The following PPP2R2C variants were observed in gnomAD, a reference collection of about 807,000 sequenced individuals.
PPP2R2C encodes the protein protein phosphatase 2 regulatory subunit Bgamma, also known as protein phosphatase 2, regulatory subunit B, gamma.
In PPP2R2C, 10 loss-of-function variants were observed where a neutral mutation model predicts 45.3. That is an observed-to-expected ratio of 0.22 (90% confidence interval 0.14 to 0.37). The LOEUF (loss-of-function observed/expected upper bound fraction) is 0.37. Among genes scored for constraint, PPP2R2C ranks in the 10% least tolerant of loss-of-function variants. PPP2R2C has a pLI of 1.00. For synonymous variants in PPP2R2C, 257 were observed against 245.4 expected (o/e 1.05, Z -0.44); for missense variants, 308 against 619.7 (o/e 0.50, Z 5.34).
chr4:6,383,896 C>T, intron 1 of PPP2R2C: 2 of 987,920 alleles, frequency 2.0e-6, no homozygotes, highest in Non-Finnish European at 2.4e-6. Context: ...CTGCCCTGGC[C>T]TTCTGAGCCA....
At chr4:6,473,484 G>A (rs1010067974), upstream of PPP2R2C, among the ~76,000 whole-genome samples, 1 of 152,190 alleles carries the variant, frequency 6.6e-6, no homozygotes, top group African/African-American at 2.4e-5. Flanking sequence ...GGGATTCAGA[G>A]GTGTGGGTGA....
intron 1 of PPP2R2C, among the ~76,000 whole-genome samples, chr4:6,557,279 GACA>G (rs892236596): frequency 5.3e-5 from 8 of 151,976 alleles, no homozygotes; most frequent in East Asian, 1.9e-4. Flanking sequence ...GATGCATTAG[GACA>G]ACAACATCTA....
intron 1 of PPP2R2C, among the ~76,000 whole-genome samples, chr4:6,403,722 G>C (rs1478099830): frequency 6.6e-6 from 1 of 152,182 alleles, no homozygotes. Context: ...AGTTAGCTGG[G>C]CGTGGTGGTG....
intron 1 of PPP2R2C, among the ~76,000 whole-genome samples, chr4:6,421,349 G>A (rs1323113771): frequency 2.0e-5 from 3 of 152,158 alleles, no homozygotes; most frequent in Non-Finnish European, 4.4e-5. Flanking sequence ...GGATTCCCAG[G>A]CTGCCATTTT....
intron 1 of PPP2R2C, among the ~76,000 whole-genome samples, chr4:6,440,643 G>C (rs1720109564): frequency 1.3e-5 from 2 of 152,226 alleles, no homozygotes; most frequent in African/African-American, 4.8e-5. Flanking sequence ...TGTCTGTGGT[G>C]CTTACTTCTG....
chr4:6,557,503 AC>A (rs1725442033), intron 1 of PPP2R2C, among the ~76,000 whole-genome samples: 1 of 152,194 alleles, frequency 6.6e-6, no homozygotes, highest in African/African-American at 2.4e-5. Context: ...TGGAGAGAGG[AC>A]ATGGAAGCTG....
At chr4:6,468,216 T>C (rs1211859346) in intron 1 of PPP2R2C, among the ~76,000 whole-genome samples, 4 of 152,160 alleles carry the variant, frequency 2.6e-5, no homozygotes, top group Non-Finnish European at 2.9e-5. Context: ...AGAAAGTAGA[T>C]GGTATCCAGG....
intron 2 of PPP2R2C, among the ~76,000 whole-genome samples, chr4:6,490,833 T>C (rs1722680859): frequency 6.6e-6 from 1 of 152,112 alleles, no homozygotes; most frequent in Admixed American, 6.5e-5. Context: ...TCAAGCAGGA[T>C]TTCACTCCAC....
intron 1 of PPP2R2C, among the ~76,000 whole-genome samples, chr4:6,428,193 G>A (rs1577175461): frequency 6.6e-6 from 1 of 152,196 alleles, no homozygotes; most frequent in Non-Finnish European, 1.5e-5. Flanking sequence ...TGTTTGGTGG[G>A]TATCCAATAA....
chr4:6,416,941 G>A (rs1418159320), intron 1 of PPP2R2C, among the ~76,000 whole-genome samples: 3 of 152,164 alleles, frequency 2.0e-5, no homozygotes, highest in South Asian at 2.1e-4. Flanking sequence ...GTCCAGCCCC[G>A]CCTCTCCTCT....
At chr4:6,478,909 G>A (rs1328817555) in intron 2 of PPP2R2C, among the ~76,000 whole-genome samples, 1 of 152,212 alleles carries the variant, frequency 6.6e-6, no homozygotes, top group South Asian at 2.1e-4. Flanking sequence ...AGAGACAGGG[G>A]TGGTGAGCTC....
rs532496804 is a variant in PPP2R2C, at chr4:6,470,022, AG to A, written c.70+2137del. 1.1e-4 allele frequency among the ~76,000 whole-genome samples: 17 copies of A among 152,344 alleles called. No homozygotes were observed. The East Asian group carries it at 3.1e-3, about 28-fold the overall frequency. Reference sequence around the variant, plus strand: ...TTCGTATGAGGTCCCAGCACACAGCAGGTGCTCAGCATCCTTTGGCTGCACG... The same window carrying A: ...TTCGTATGAGGTCCCAGCACACAGCAGTGCTCAGCATCCTTTGGCTGCACG... On this transcript the variant is annotated intron_variant, in intron 1 of 8. Transcript: ENST00000382599.
At chr4:6,518,922 T>TAAAAAAAAAAAAAAAA (rs56002128) in intron 2 of PPP2R2C, among the ~76,000 whole-genome samples, 78 of 92,890 alleles carry the variant, frequency 8.4e-4, no homozygotes, top group Non-Finnish European at 1.2e-3. Flanking sequence ...GACTCTGTCT[T>TAAAAAAAAAAAAAAAA]AAAAAAAAAA....
At chr4:6,472,626 G>GGCC (rs987279249), upstream of PPP2R2C, among the ~76,000 whole-genome samples, 32 of 147,078 alleles carry the variant, frequency 2.2e-4, no homozygotes, top group African/African-American at 2.9e-4. Flanking sequence ...CGCGGGCTGG[G>GGCC]GCCGCCGCCG....
intron 1 of PPP2R2C, chr4:6,383,687 C>T (rs545717910): frequency 4.1e-4 from 248 of 600,492 alleles, no homozygotes; most frequent in Non-Finnish European, 5.4e-4. Flanking sequence ...CCAACCTAAT[C>T]TGATGTTTTT....
At chr4:6,458,052 A>C (rs567647617) in intron 1 of PPP2R2C, among the ~76,000 whole-genome samples, 1 of 152,362 alleles carries the variant, frequency 6.6e-6, no homozygotes, top group South Asian at 2.1e-4. Context: ...CTGGCTGCAT[A>C]TAAGAGCTTC....
In PPP2R2C at chr4:6,323,280, A is replaced by G; in HGVS notation, c.*22T>C. ...GATGACTTGCATGAGGCTGGGTGGC[A>G]GGGGCCGGGAACTGCACATACCTAG... On this transcript the variant is annotated 3_prime_UTR_variant, in exon 9 of 9. Transcript: ENST00000382599. 2.6e-6 allele frequency: 4 copies of G among 1,567,568 alleles called. No individual in the cohort carries two copies. Among genetic ancestry groups the G allele is most frequent in the South Asian group, 2.4e-5 (2 of 84,740 alleles).
chr4:6,511,819 ATGGTGGTGGTGGTGGTGATGGTGGTGG>A (rs1723556965), intron 2 of PPP2R2C, among the ~76,000 whole-genome samples: 3 of 2,874 alleles, frequency 1.0e-3, no homozygotes, highest in African/African-American at 1.2e-3. Flanking sequence ...GGTGGTGGTG[ATGGTGGTGGTGGTGGTGATGGTGGTGG>A]TGGTGGTGGT....
At chr4:6,458,289 G>C (rs567681326) in intron 1 of PPP2R2C, among the ~76,000 whole-genome samples, 1 of 152,156 alleles carries the variant, frequency 6.6e-6, no homozygotes, top group Non-Finnish European at 1.5e-5. Flanking sequence ...ATCATAGACC[G>C]GGTGGCTTAT....
Sources: allele counts gnomAD v4.1 joint callset (sites outside exome capture counted in the v4.1 genomes callset), GRCh38; gene constraint gnomAD v4.1.1; transcripts MANE v1.5; gene names NCBI Gene and HGNC (gene_info 2026-07-23, HGNC 2026-07-21).